The following BCL11A variants were observed in gnomAD, a reference collection of about 807,000 sequenced individuals.
BCL11A encodes the protein BCL11 transcription factor A.
BCL11A carries 2 observed loss-of-function variants against 55.9 expected under a neutral mutation model. The observed-to-expected ratio is 0.04, with a 90% CI of 0.01 to 0.11. The LOEUF (loss-of-function observed/expected upper bound fraction) is 0.11, where lower values mean the gene tolerates loss of function less well. Ranked by LOEUF, BCL11A falls within the 10% of genes least tolerant of loss-of-function variation. BCL11A has a pLI of 1.00. For missense variants in BCL11A, 817 were observed against 1,137.1 expected, an observed-to-expected ratio of 0.72 and a Z score of 4.05; for synonymous variants, 465 against 473.4, an observed-to-expected ratio of 0.98 and a Z score of 0.23.
intron 3 of BCL11A, among the ~76,000 whole-genome samples, chr2:60,467,882 G>A (rs1215040508): frequency 2.5e-5 from 3 of 118,898 alleles, no homozygotes; most frequent in Non-Finnish European, 3.8e-5. Flanking sequence ...GGTGATGGTG[G>A]TGGTGGTAGT....
chr2:60,508,903 C>T (rs561348575), intron 2 of BCL11A: 5 of 152,398 alleles, frequency 3.3e-5, no homozygotes, highest in African/African-American at 1.2e-4. Context: ...TAAGGCCTAC[C>T]TTGAGGGATG....
At chr2:60,496,036 G>C (rs1678928703) in intron 2 of BCL11A, among the ~76,000 whole-genome samples, 1 of 152,246 alleles carries the variant, frequency 6.6e-6, no homozygotes, top group African/African-American at 2.4e-5. Flanking sequence ...AAGGGATCCA[G>C]AGGTCACCCT....
downstream of BCL11A, chr2:60,451,064 A>C (rs1481439476): frequency 1.7e-5 from 3 of 178,382 alleles, no homozygotes; most frequent in East Asian, 1.9e-4. Context: ...GGTAAGCCTC[A>C]ATCTCCACCT....
At chr2:60,507,764 G>T (rs914743806) in intron 2 of BCL11A, among the ~76,000 whole-genome samples, 1 of 152,078 alleles carries the variant, frequency 6.6e-6, no homozygotes, top group African/African-American at 2.4e-5. Context: ...CGGGTGGGGT[G>T]GGGGGCGACG....
intron 1 of BCL11A, among the ~76,000 whole-genome samples, chr2:60,548,988 A>G (rs1670273610): frequency 6.6e-6 from 1 of 152,076 alleles, no homozygotes; most frequent in Non-Finnish European, 1.5e-5. Flanking sequence ...CCCCTCCCTC[A>G]ATTCAACTCC....
Position 60,507,207 on chromosome 2 carries a change from A to AAAGG in BCL11A, c.386-38378_386-38375dup, listed in dbSNP as rs745626068. Reference sequence around the variant, plus strand: ...CAGAATGCAAAGCAAGACAAGGAAGAAAGGAAGGAAGGAAGGAAGGAAGGA... The same window carrying AAAGG: ...CAGAATGCAAAGCAAGACAAGGAAGAAAGGAAGGAAGGAAGGAAGGAAGGAAGGA... On this transcript the variant is annotated intron_variant, in intron 2 of 3. Transcript: ENST00000642384. 3.0e-3 allele frequency among the ~76,000 whole-genome samples: 265 copies of AAAGG among 89,482 alleles called. 14 individuals carry two copies. The highest frequency in any genetic ancestry group is 4.3e-3 in the Non-Finnish European group (207 of 48,056). The allele number at this position is 89,482 out of a possible 152,430, so 58.7% of individuals were successfully genotyped here.
chr2:60,493,653 T>C (rs1358433199), intron 2 of BCL11A, among the ~76,000 whole-genome samples: 1 of 152,144 alleles, frequency 6.6e-6, no homozygotes, highest in Non-Finnish European at 1.5e-5. Context: ...GAGCCCCCAC[T>C]AGCTCAGAAA....
At chr2:60,491,806 C>A (rs899605383) in intron 2 of BCL11A, among the ~76,000 whole-genome samples, 5 of 152,148 alleles carry the variant, frequency 3.3e-5, no homozygotes, top group Admixed American at 6.5e-5. Flanking sequence ...CCAGGTAGGA[C>A]CCAACACTAC....
In BCL11A at chr2:60,553,262, G is replaced by C; in HGVS notation, c.9C>G (p.Arg3=). The change falls in exon 1 of 4, where the codon CGC becomes CGG. Residue 3 remains arginine (R), a synonymous_variant. Transcript: ENST00000642384. ...AGTGCTGGGGTTTGCCTTGCTTGCGGCGAGACATGGTGGGCTGCGGGGCGG... is the reference window on the plus strand; with the variant it reads ...AGTGCTGGGGTTTGCCTTGCTTGCGCCGAGACATGGTGGGCTGCGGGGCGG... MS[R]RKQGKPQHLS... is the part of the protein sequence containing the mutation. 6.3e-7 allele frequency: 1 copy of C among 1,589,108 alleles called. No individual in the cohort carries two copies. The highest frequency in any genetic ancestry group is 8.5e-7 in the Non-Finnish European group (1 of 1,172,316).
At chr2:60,516,790 G>A (rs1244653907) in intron 2 of BCL11A, among the ~76,000 whole-genome samples, 1 of 152,220 alleles carries the variant, frequency 6.6e-6, no homozygotes, top group African/African-American at 2.4e-5. Context: ...GGACATAAGA[G>A]TGCAGACATA....
chr2:60,531,721 G>A (rs190234469), intron 2 of BCL11A, among the ~76,000 whole-genome samples: 226 of 152,236 alleles, frequency 1.5e-3, no homozygotes, highest in African/African-American at 4.7e-3. Flanking sequence ...ACCAGGAGAC[G>A]CTGACCCCAG....
chr2:60,551,891 C>G (rs566176529), intron 1 of BCL11A, among the ~76,000 whole-genome samples: 1 of 151,840 alleles, frequency 6.6e-6, no homozygotes, highest in African/African-American at 2.4e-5. Context: ...GCGCCGCGCT[C>G]GGTCCTCTGT....
chr2:60,505,126 ACTC>A (rs1358233143), intron 2 of BCL11A, among the ~76,000 whole-genome samples: 3 of 150,988 alleles, frequency 2.0e-5, no homozygotes, highest in African/African-American at 7.3e-5. Context: ...ATTTGACAAT[ACTC>A]CTCAAAGGGC....
At chr2:60,454,128 G>A (rs1009738804), downstream of BCL11A, among the ~76,000 whole-genome samples, 4 of 152,098 alleles carry the variant, frequency 2.6e-5, no homozygotes, top group African/African-American at 4.8e-5. Flanking sequence ...ATTAAACAGC[G>A]GGCTAATGGG....
At chr2:60,489,926 A>G (rs1213445689) in intron 2 of BCL11A, among the ~76,000 whole-genome samples, 1 of 152,170 alleles carries the variant, frequency 6.6e-6, no homozygotes, top group Non-Finnish European at 1.5e-5. Flanking sequence ...ATCATGAAAC[A>G]CCATCCATGC....
At chr2:60,452,887 C>T, downstream of BCL11A, 1 of 480,660 alleles carries the variant, frequency 2.1e-6, no homozygotes. Context: ...TTCCGTCCCC[C>T]CAAGGAGGAC....
intron 2 of BCL11A, among the ~76,000 whole-genome samples, chr2:60,493,751 A>C (rs1678785054): frequency 1.3e-5 from 2 of 152,184 alleles, no homozygotes. Flanking sequence ...GAAAGACAGC[A>C]TCAAGGTCTC....
At chr2:60,491,402 G>C (rs903697666) in intron 2 of BCL11A, among the ~76,000 whole-genome samples, 12 of 152,178 alleles carry the variant, frequency 7.9e-5, no homozygotes, top group African/African-American at 2.9e-4. Flanking sequence ...GCCAGGCGCT[G>C]TGGCTCACAC....
rs761851690 is a variant in BCL11A at position 60,461,523 on chromosome 2, G to C, written c.1389C>G (p.Leu463=). 1.9e-6 allele frequency: 3 copies of C among 1,608,026 alleles called. No homozygotes were observed. The change falls in exon 4 of 4, where the codon CTC becomes CTG. Residue 463 remains leucine, a synonymous_variant. Coordinates refer to ENST00000642384, the MANE Select transcript of BCL11A (RefSeq NM_022893.4). ...SDLVGSASSA[L]KSVVAKFKSE... is the part of the protein sequence containing the mutation. ...TCTTGAACTTGGCCACCACGGACTT[G>C]AGCGCGCTGCTGGCGCTGCCCACCA...
Sources: allele counts gnomAD v4.1 joint callset (sites outside exome capture counted in the v4.1 genomes callset), GRCh38; gene constraint gnomAD v4.1.1; transcripts MANE v1.5; gene names NCBI Gene and HGNC (gene_info 2026-07-23, HGNC 2026-07-21).